Variants in KCNQ5 observed in about 807,000 individuals in gnomAD.
The protein encoded by KCNQ5 is potassium voltage-gated channel subfamily Q member 5.
KCNQ5 carries 30 observed loss-of-function variants against 98.2 expected under a neutral mutation model. The observed-to-expected ratio is 0.31, with a 90% CI of 0.23 to 0.41. KCNQ5 has a LOEUF of 0.41. KCNQ5 is among the 10% of genes least tolerant of loss of function. The pLI is 1.00. For missense variants in KCNQ5, 835 were observed against 1,182.5 expected, an observed-to-expected ratio of 0.71 and a Z score of 4.31; for synonymous variants, 458 against 449.4, an observed-to-expected ratio of 1.02 and a Z score of -0.24.
At chr6:72,655,032 CTTT>C (rs1448979381) in intron 1 of KCNQ5, among the ~76,000 whole-genome samples, 10 of 86,896 alleles carry the variant, frequency 1.2e-4, no homozygotes, top group East Asian at 2.9e-4. Flanking sequence ...GTCTGTCTTT[CTTT>C]CTTTCTTTCT....
intron 10 of KCNQ5, among the ~76,000 whole-genome samples, chr6:73,144,263 A>T (rs1776832665): frequency 6.6e-6 from 1 of 152,132 alleles, no homozygotes; most frequent in Admixed American, 6.5e-5. Flanking sequence ...TATTTTCAAC[A>T]TCTAATTTGT....
intron 3 of KCNQ5, among the ~76,000 whole-genome samples, chr6:73,059,440 A>T (rs117677610): frequency 0.016 from 2,394 of 152,232 alleles, 24 homozygotes; most frequent in Non-Finnish European, 0.018. Context: ...GGGAGAGCAT[A>T]AAAAAACTAC....
chr6:73,059,997 A>G (rs1230906313), intron 3 of KCNQ5, among the ~76,000 whole-genome samples: 1 of 152,202 alleles, frequency 6.6e-6, no homozygotes, highest in Non-Finnish European at 1.5e-5. Flanking sequence ...ACAGATAATG[A>G]CATTAGTTAG....
At chr6:72,815,837 C>T (rs1775487044) in intron 1 of KCNQ5, among the ~76,000 whole-genome samples, 1 of 152,124 alleles carries the variant, frequency 6.6e-6, no homozygotes, top group Non-Finnish European at 1.5e-5. Context: ...CAGACAGCCC[C>T]AAAAGAAGAT....
intron 1 of KCNQ5, among the ~76,000 whole-genome samples, chr6:72,869,344 G>A (rs560740728): frequency 1.4e-4 from 21 of 152,270 alleles, no homozygotes; most frequent in African/African-American, 3.8e-4. Context: ...CACTACAGGC[G>A]AGGGTCATTG....
chr6:72,870,624 G>A (rs1360942636), intron 1 of KCNQ5, among the ~76,000 whole-genome samples: 1 of 151,938 alleles, frequency 6.6e-6, no homozygotes, highest in African/African-American at 2.4e-5. Context: ...AATAAATTCG[G>A]CATCTTTATT....
chr6:72,962,444 T>C (rs765906693), intron 1 of KCNQ5, among the ~76,000 whole-genome samples: 13 of 151,652 alleles, frequency 8.6e-5, no homozygotes, highest in Non-Finnish European at 1.3e-4. Flanking sequence ...TTCACTACCA[T>C]ACAATTCATC....
Position 72,941,543 on chromosome 6 carries a change from CT to C in KCNQ5, c.399-62362del, listed in dbSNP as rs1384161407. Among the ~76,000 whole-genome samples, 23 of 137,372 alleles carry C rather than the reference CT, an allele frequency of 1.7e-4. No homozygotes were observed. The South Asian group carries it at 1.8e-3, about 11-fold the overall frequency. The allele number at this position is 137,372 out of a possible 152,430, so 90.1% of individuals were successfully genotyped here. On this transcript the variant is annotated intron_variant, in intron 1 of 13. Coordinates refer to ENST00000370398, the MANE Select transcript of KCNQ5 (RefSeq NM_019842.4). ...TCCTTCCTTCCTCCTTCCCTCCTTC[CT>C]TTCCTTCTTCCCTCCCTCCTTCCTT...
intron 10 of KCNQ5, among the ~76,000 whole-genome samples, chr6:73,142,914 C>A (rs1038054098): frequency 2.6e-5 from 4 of 152,054 alleles, no homozygotes; most frequent in Non-Finnish European, 5.9e-5. Flanking sequence ...AAGACTCCAT[C>A]TCGAAAATAA....
chr6:73,123,060 T>C (rs1374986110), intron 8 of KCNQ5, among the ~76,000 whole-genome samples: 4 of 151,992 alleles, frequency 2.6e-5, no homozygotes, highest in Non-Finnish European at 5.9e-5. Context: ...ATTCAACAAT[T>C]ACTCATTGAG....
chr6:73,016,884 C>A (rs1319063026), intron 2 of KCNQ5, among the ~76,000 whole-genome samples: 3 of 152,066 alleles, frequency 2.0e-5, no homozygotes, highest in Non-Finnish European at 4.4e-5. Flanking sequence ...TTTGCTTTGT[C>A]TGTGGTTCCC....
chr6:72,646,454 A>G (rs1765600456), intron 1 of KCNQ5, among the ~76,000 whole-genome samples: 2 of 152,212 alleles, frequency 1.3e-5, no homozygotes, highest in Non-Finnish European at 2.9e-5. Context: ...ACAGTTATCC[A>G]CAAGTGGAAC....
rs139040456 is a variant in KCNQ5, at chr6:72,940,947, T to C, written c.399-62961T>C. Among the ~76,000 whole-genome samples, 139 of 152,236 alleles carry C rather than the reference T, an allele frequency of 9.1e-4. No homozygotes were observed. The East Asian group carries it at 0.015, about 17-fold the overall frequency. On this transcript the variant is annotated intron_variant, in intron 1 of 13. Coordinates refer to ENST00000370398, the MANE Select transcript of KCNQ5 (RefSeq NM_019842.4). ...ACTCCCTGTGGGAAAAAAATTTAAA[T>C]TAAACTTAAGTCATAAAGAAAAAAA...
At chr6:72,712,123 C>T (rs918540269) in intron 1 of KCNQ5, among the ~76,000 whole-genome samples, 1 of 152,044 alleles carries the variant, frequency 6.6e-6, no homozygotes, top group Admixed American at 6.6e-5. Flanking sequence ...GTACTGAATA[C>T]ATGTTTGTTT....
chr6:73,177,050 G>T (rs1472433002), intron 11 of KCNQ5, among the ~76,000 whole-genome samples: 1 of 152,222 alleles, frequency 6.6e-6, no homozygotes, highest in Non-Finnish European at 1.5e-5. Flanking sequence ...AACCAGGAGA[G>T]CGTGACAGAA....
At chr6:73,179,351 ACTTAGGTCT>A (rs2150512816) in intron 11 of KCNQ5, among the ~76,000 whole-genome samples, 1 of 152,254 alleles carries the variant, frequency 6.6e-6, no homozygotes, top group Admixed American at 6.5e-5. Context: ...CTAAGTGCTA[ACTTAGGTCT>A]CTCTTCCACT....
intron 1 of KCNQ5, among the ~76,000 whole-genome samples, chr6:72,972,503 C>T (rs1421278137): frequency 6.6e-6 from 1 of 151,820 alleles, no homozygotes; most frequent in Non-Finnish European, 1.5e-5. Context: ...CACCCCCTAC[C>T]CCCCAACAAG....
intron 10 of KCNQ5, among the ~76,000 whole-genome samples, chr6:73,161,883 C>A (rs1319788201): frequency 6.6e-6 from 1 of 152,086 alleles, no homozygotes; most frequent in South Asian, 2.1e-4. Context: ...TTTCAAAATT[C>A]AAAATTTGGC....
chr6:72,837,713 A>T (rs1776567247), intron 1 of KCNQ5, among the ~76,000 whole-genome samples: 2 of 152,168 alleles, frequency 1.3e-5, no homozygotes, highest in South Asian at 4.1e-4. Context: ...GGAAAAATAG[A>T]TCAGAGAAGT....
Sources: gnomAD v4.1 joint callset for allele counts (sites outside exome capture counted in the v4.1 genomes callset) on GRCh38, gnomAD v4.1.1 for gene constraint, MANE v1.5 for transcripts, NCBI Gene and HGNC (gene_info 2026-07-23, HGNC 2026-07-21) for gene names.